The following RNF167 variants were observed in gnomAD, a reference collection of about 807,000 sequenced individuals.
RNF167 encodes ring finger protein 167.
A neutral mutation model predicts 34.8 loss-of-function variants in RNF167; 19 were observed. That is an observed-to-expected ratio of 0.55 (90% CI 0.38 to 0.80). The LOEUF (loss-of-function observed/expected upper bound fraction) is 0.80, where lower values mean the gene tolerates loss of function less well. RNF167 is among the 30% of genes least tolerant of loss of function. The pLI, the probability that RNF167 is intolerant of heterozygous loss-of-function variation, is 0.00. For synonymous variants in RNF167, 200 were observed against 170.4 expected, an observed-to-expected ratio of 1.17 and a Z score of -1.35; for missense variants, 464 against 447.0, an observed-to-expected ratio of 1.04 and a Z score of -0.34.
Position 4,942,406 on chromosome 17 carries a change from G to A in RNF167, c.231G>A (p.Pro77=), listed in dbSNP as rs760094469. 1.1e-5 allele frequency: 17 copies of A among 1,613,102 alleles called. No individual in the cohort carries two copies. Among genetic ancestry groups the A allele is most frequent in the East Asian group, 2.2e-5 (1 of 44,838 alleles). ...CSPIAPPPPA[P]VNGSVFIALL... is the part of the protein sequence containing the mutation. ...CCATTGCCCCACCACCCCCAGCCCC[G>A]GTCAATGGGTCAGTCTTTATTGCGC... The change falls in exon 4 of 10, where the codon CCG becomes CCA. Residue 77 remains proline, a synonymous_variant. Transcript: ENST00000262482.
rs1361782732 is a variant in RNF167 at position 4,944,739 on chromosome 17, C to G, written c.776C>G (p.Pro259Arg). 1.2e-6 allele frequency: 2 copies of G among 1,613,900 alleles called. No homozygotes were observed. Among genetic ancestry groups the G allele is most frequent in the Non-Finnish European group, 1.7e-6 (2 of 1,179,912 alleles). ...AHAYHSRCVD[P>R]WLTQTRKTCP... ...GCCTACCACAGCCGCTGCGTGGACC[C>G]CTGGCTCACTCAGACCCGGAAGACC... Residue 259 changes from proline to arginine, a missense_variant, in exon 10 of 10, where the codon CCC (proline) becomes CGC (arginine). By Grantham distance (103) the Pro-to-Arg change is moderately radical. Coordinates refer to ENST00000262482, the MANE Select transcript of RNF167 (RefSeq NM_015528.3).
chr17:4,942,308 G>A, intron 3 of RNF167, 33 bp from the exon 4 acceptor site: 1 of 1,609,148 alleles, frequency 6.2e-7, no homozygotes. Context: ...CTAGAAAGGA[G>A]AAATCTCACT....
intron 8 of RNF167, 192 bp from the exon 9 acceptor site, chr17:4,944,366 C>T (rs917172660): frequency 1.7e-5 from 23 of 1,316,822 alleles, no homozygotes; most frequent in South Asian, 1.4e-4. Context: ...TCCCTTCTTA[C>T]CTCTGCTTCT....
In RNF167 at chr17:4,942,654, G is replaced by A. The variant is rs151155587; in HGVS notation, c.369G>A (p.Val123=). The A allele has an allele frequency of 3.1e-6, 5 of 1,614,198 alleles. No homozygotes were observed. ...NVNSNELLNM[V]WNSEEIQQQI... The stretch of plus-strand genomic sequence containing the variant: ...ATTCCAATGAACTTCTGAACATGGT[G>A]TGGAATAGTGGTAAGGCTGGGGGAA... Residue 123 remains valine, a synonymous_variant, in exon 5 of 10, where the codon GTG becomes GTA. Transcript: ENST00000262482.
chr17:4,943,669 A>AG, intron 8 of RNF167, 150 bp downstream of exon 8: 1 of 682,598 alleles, frequency 1.5e-6, no homozygotes, highest in Non-Finnish European at 2.5e-6. Flanking sequence ...GTACTTTGGG[A>AG]GGCCAAGGTG....
chr17:4,943,261 G>T lies in RNF167; in HGVS notation c.553G>T (p.Val185Phe). 6.2e-7 allele frequency: 1 copy of T among 1,614,138 alleles called. No homozygotes were observed. Among genetic ancestry groups the T allele is most frequent in the Non-Finnish European group, 8.5e-7 (1 of 1,180,012 alleles). ...TTTCACAGGGATTGTGGGACTGCTG[G>T]TTTTGGCCATGGGAGCAGTAATGGT... ...IPFTGIVGLL[V>F]LAMGAVMIAR... is the part of the protein sequence containing the mutation. The change falls in exon 7 of 10, where the codon GTT (valine) becomes TTT (phenylalanine). Residue 185 changes from valine (V) to phenylalanine (F), a missense_variant. By Grantham distance (50) the Val-to-Phe change is conservative. Coordinates refer to ENST00000262482, the MANE Select transcript of RNF167 (RefSeq NM_015528.3).
chr17:4,940,926 T>C lies in RNF167; in HGVS notation c.17T>C (p.Phe6Ser). The change falls in exon 2 of 10, where the codon TTC (phenylalanine) becomes TCC (serine). Residue 6 changes from phenylalanine (F) to serine (S), a missense_variant. Phe to Ser is a radical substitution (Grantham distance 155, BLOSUM62 -2). Coordinates refer to ENST00000262482, the MANE Select transcript of RNF167 (RefSeq NM_015528.3). MHPAAFPLPVVVAAVL... is the reference protein window; with the variant it reads MHPAASPLPVVVAAVL... ...CCCGCTGCCATGCACCCTGCAGCCTTCCCGCTTCCTGTGGTTGTGGCCGCT... is the reference window on the plus strand; with the variant it reads ...CCCGCTGCCATGCACCCTGCAGCCTCCCCGCTTCCTGTGGTTGTGGCCGCT... The C allele has an allele frequency of 1.9e-6, 3 of 1,606,856 alleles. No homozygotes were observed. In the African/African-American group the frequency reaches 4.0e-5, roughly 21 times the overall value.
chr17:4,944,269 G>T, intron 8 of RNF167: 2 of 402,596 alleles, frequency 5.0e-6, no homozygotes, highest in Non-Finnish European at 7.5e-6. Context: ...GGCCTCCAGT[G>T]CCCGTATAAG....
chr17:4,943,923 C>T (rs893716884), intron 8 of RNF167, among the ~76,000 whole-genome samples: 6 of 152,064 alleles, frequency 3.9e-5, no homozygotes, highest in African/African-American at 7.2e-5. Flanking sequence ...ACCAGGAAGG[C>T]GGAGGTTGTC....
intron 8 of RNF167, 160 bp from the exon 9 acceptor site, chr17:4,944,398 C>T: frequency 7.2e-7 from 1 of 1,380,220 alleles, no homozygotes; most frequent in Non-Finnish European, 9.4e-7. Context: ...CCTTCTAGCC[C>T]TAAATTCTTC....
At chr17:4,944,329 AC>A in intron 8 of RNF167, 21 of 1,040,736 alleles carry the variant, frequency 2.0e-5, no homozygotes, top group Non-Finnish European at 2.6e-5. Flanking sequence ...CCCTATCTCC[AC>A]CCTCACACCT....
At chr17:4,940,188 G>A (rs965047764), upstream of RNF167, 5 of 355,210 alleles carry the variant, frequency 1.4e-5, no homozygotes, top group African/African-American at 1.1e-4. Flanking sequence ...TTAGAATCGC[G>A]GGAAAATAGA....
chr17:4,940,801 T>G lies in RNF167; in HGVS notation c.-109T>G, dbSNP rs1597655597. ...GTAGCTGGGAAGTGGGACCTGGGGG[T>G]GGTTGGACCCCTGGGATCCTAAAGG... On this transcript the variant is annotated 5_prime_UTR_variant, in exon 2 of 10. Transcript: ENST00000262482. The G allele has an allele frequency of 2.1e-6, 2 of 948,510 alleles. No homozygotes were observed. Among genetic ancestry groups the G allele is most frequent in the Non-Finnish European group, 3.0e-6 (2 of 660,296 alleles). 58.8% of individuals were successfully genotyped at this position (948,510 alleles called of 1,614,324 possible). A position where few individuals can be genotyped will look rare whatever the true frequency, so the allele number is the denominator to read the frequency against.
At chr17:4,941,024 G>A in intron 2 of RNF167, 31 bp downstream of exon 2, 3 of 1,613,662 alleles carry the variant, frequency 1.9e-6, no homozygotes, top group Non-Finnish European at 2.5e-6. Context: ...GGGAAAGGGC[G>A]CTGAAAGGAA....
At chr17:4,942,717 T>C in intron 5 of RNF167, 53 bp downstream of exon 5, 2 of 1,599,598 alleles carry the variant, frequency 1.3e-6, no homozygotes, top group Non-Finnish European at 1.7e-6. Context: ...CCAGAGATGG[T>C]GGGAAGGCTG....
intron 7 of RNF167, 61 bp from the exon 8 acceptor site, chr17:4,943,365 C>T (rs1464663456): frequency 3.2e-6 from 5 of 1,584,394 alleles, no homozygotes; most frequent in East Asian, 2.2e-5. Context: ...ATGGGAGTGG[C>T]TTGTCCTAGA....
rs765924340 is a variant in RNF167 at position 4,944,591 on chromosome 17, A to G, written c.704A>G (p.Asp235Gly). ...DQYDVCAICL[D>G]EYEDGDKLRV... is the part of the protein sequence containing the mutation. ...TATGATGTCTGTGCCATTTGCCTGG[A>G]TGAATATGAGGATGGGGACAAGCTG... The change falls in exon 9 of 10, where the codon GAT (aspartate) becomes GGT (glycine). Residue 235 changes from aspartate (D) to glycine (G), a missense_variant. Coordinates refer to ENST00000262482, the MANE Select transcript of RNF167 (RefSeq NM_015528.3). The G allele has an allele frequency of 3.7e-6, 6 of 1,608,922 alleles. No homozygotes were observed. Among genetic ancestry groups the G allele is most frequent in the Non-Finnish European group, 5.1e-6 (6 of 1,177,548 alleles).
At chr17:4,943,000 A>G (rs1307320861) in intron 6 of RNF167, 59 bp downstream of exon 6, 2 of 1,508,936 alleles carry the variant, frequency 1.3e-6, no homozygotes, top group East Asian at 4.5e-5. Flanking sequence ...GCCAACCTGG[A>G]GCCCAGGCCT....
chr17:4,943,381 T>C (rs760351555), intron 7 of RNF167, 45 bp from the exon 8 acceptor site: 1 of 1,592,732 alleles, frequency 6.3e-7, no homozygotes, highest in South Asian at 1.1e-5. Flanking sequence ...CTAGATTGTC[T>C]AGTTTTGTTC....
Sources: allele counts gnomAD v4.1 joint callset (sites outside exome capture counted in the v4.1 genomes callset), GRCh38; gene constraint gnomAD v4.1.1; transcripts MANE v1.5; gene names NCBI Gene and HGNC (gene_info 2026-07-23, HGNC 2026-07-21).